The following HPSE2 variants were observed in gnomAD, a reference collection of about 807,000 sequenced individuals.
HPSE2 encodes inactive heparanase-2.
Under a neutral mutation model 60.5 loss-of-function variants are expected in HPSE2, and 38 were observed. The observed-to-expected ratio is 0.63, with a 90% confidence interval of 0.48 to 0.82. The LOEUF (loss-of-function observed/expected upper bound fraction) is 0.82. HPSE2 is among the 40% of genes least tolerant of loss of function. The probability of loss-of-function intolerance (pLI) is 0.00; values close to 1 mark genes in which losing one functional copy is unlikely to be tolerated. For synonymous variants in HPSE2, 295 were observed against 293.2 expected (o/e 1.01, Z -0.06); for missense variants, 713 against 740.4 (o/e 0.96, Z 0.43).
At chr10:99,051,650 T>C (rs1957993672) in intron 3 of HPSE2, among the ~76,000 whole-genome samples, 1 of 152,280 alleles carries the variant, frequency 6.6e-6, no homozygotes, top group Middle Eastern at 3.4e-3. Flanking sequence ...AAAAGTCTGG[T>C]AAAGCAACAG....
At chr10:98,937,444 T>A (rs1954837353) in intron 3 of HPSE2, among the ~76,000 whole-genome samples, 1 of 144,538 alleles carries the variant, frequency 6.9e-6, no homozygotes, top group Non-Finnish European at 1.5e-5. Flanking sequence ...ATCCCGCACA[T>A]GGCTTGGAGG....
intron 11 of HPSE2, among the ~76,000 whole-genome samples, chr10:98,478,990 C>T (rs935428446): frequency 1.3e-5 from 2 of 152,186 alleles, no homozygotes; most frequent in African/African-American, 4.8e-5. Context: ...GTTGCCTAGA[C>T]CATACATAAA....
At chr10:98,481,356 A>G (rs1941227630) in intron 11 of HPSE2, among the ~76,000 whole-genome samples, 1 of 152,198 alleles carries the variant, frequency 6.6e-6, no homozygotes. Context: ...TTAGGATAAA[A>G]TAATTTTCCC....
the HPSE2 span, among the ~76,000 whole-genome samples, chr10:99,269,097 T>G: frequency 6.6e-6 from 1 of 151,802 alleles, no homozygotes; most frequent in Non-Finnish European, 1.5e-5. Context: ...AGGCAGAGGT[T>G]GCAGTGAGCC....
intron 3 of HPSE2, among the ~76,000 whole-genome samples, chr10:98,832,209 T>C (rs1402061400): frequency 1.3e-5 from 2 of 152,186 alleles, no homozygotes; most frequent in East Asian, 3.8e-4. Flanking sequence ...ATGAGCAGCA[T>C]GGGTTAAATC....
rs539810803 is a variant in HPSE2, at chr10:99,070,884, A to G, written c.610+73354T>C. ...TAATATTTCGTTGTACATGTTTACT[A>G]CATATTCTTTGTCCATTCATCTACC... On this transcript the variant is annotated intron_variant, in intron 3 of 11. Transcript: ENST00000370552. Among the ~76,000 whole-genome samples, 4 of 152,186 alleles carry G rather than the reference A, an allele frequency of 2.6e-5. No homozygotes were observed. In the East Asian group the frequency reaches 7.7e-4, roughly 29 times the overall value.
intron 5 of HPSE2, among the ~76,000 whole-genome samples, chr10:98,697,731 G>A (rs1047118573): frequency 7.9e-5 from 12 of 152,060 alleles, no homozygotes; most frequent in African/African-American, 2.9e-4. Flanking sequence ...TCAAAATGAA[G>A]GAAAAAATGT....
intron 11 of HPSE2, among the ~76,000 whole-genome samples, chr10:98,463,063 G>A (rs990100627): frequency 2.0e-5 from 3 of 152,108 alleles, no homozygotes; most frequent in African/African-American, 2.4e-5. Flanking sequence ...CCCTTGTGTA[G>A]GGTAGCCAAG....
intron 6 of HPSE2, among the ~76,000 whole-genome samples, chr10:98,670,865 G>A (rs1212710285): frequency 6.6e-6 from 1 of 152,176 alleles, no homozygotes; most frequent in Non-Finnish European, 1.5e-5. Context: ...GCCCTTAAAA[G>A]GGACAGAAAT....
chr10:98,520,938 G>T lies in HPSE2; in HGVS notation c.1321-30742C>A, dbSNP rs552808775. ...GTGTGGGGAAAACTGGCTAGCCATA[G>T]GTAGAAAGCTGAAACTGAATCCCTT... On this transcript the variant is annotated intron_variant, in intron 9 of 11. Transcript: ENST00000370552. Among the ~76,000 whole-genome samples, 5 of 152,236 alleles carry T rather than the reference G, an allele frequency of 3.3e-5. No homozygotes were observed. The South Asian group carries it at 8.3e-4, about 25-fold the overall frequency.
intron 9 of HPSE2, among the ~76,000 whole-genome samples, chr10:98,584,201 G>A (rs1375693580): frequency 7.9e-5 from 12 of 152,148 alleles, no homozygotes. Flanking sequence ...TGTGAAGGGA[G>A]TAAACATGCA....
intron 4 of HPSE2, 86 bp downstream of exon 4, chr10:98,743,797 A>G: frequency 3.3e-6 from 4 of 1,225,518 alleles, no homozygotes; most frequent in Non-Finnish European, 4.8e-6. Flanking sequence ...AGGGTACTAG[A>G]GATGGTCTGA....
At chr10:98,708,435 G>T (rs1037452519) in intron 5 of HPSE2, among the ~76,000 whole-genome samples, 23 of 145,602 alleles carry the variant, frequency 1.6e-4, no homozygotes, top group African/African-American at 5.9e-4. Context: ...CAGCCTGGGC[G>T]ACAGAGTGAG....
chr10:98,508,103 A>G (rs1232798311), intron 9 of HPSE2, among the ~76,000 whole-genome samples: 1 of 152,226 alleles, frequency 6.6e-6, no homozygotes, highest in Non-Finnish European at 1.5e-5. Context: ...GGCATGCATT[A>G]CAATTTACAA....
intron 3 of HPSE2, among the ~76,000 whole-genome samples, chr10:99,125,529 T>C (rs374139429): frequency 1.6e-4 from 24 of 152,176 alleles, no homozygotes; most frequent in East Asian, 5.8e-4. Flanking sequence ...CTGTGAACTT[T>C]TGCTCCAAGA....
At chr10:98,466,851 T>C (rs1420045348) in intron 11 of HPSE2, among the ~76,000 whole-genome samples, 2 of 152,286 alleles carry the variant, frequency 1.3e-5, no homozygotes, top group East Asian at 3.9e-4. Context: ...GACCATGATA[T>C]TGACCTGTCT....
At chr10:99,141,068 C>A (rs532019556) in intron 3 of HPSE2, among the ~76,000 whole-genome samples, 1 of 152,162 alleles carries the variant, frequency 6.6e-6, no homozygotes, top group Non-Finnish European at 1.5e-5. Flanking sequence ...TGAATTCATT[C>A]TTTATGTACA....
intron 9 of HPSE2, among the ~76,000 whole-genome samples, chr10:98,539,289 AG>A (rs1339071747): frequency 6.6e-6 from 1 of 152,218 alleles, no homozygotes; most frequent in Non-Finnish European, 1.5e-5. Context: ...TGGGAGGCTG[AG>A]GCGGGTGGAT....
the HPSE2 span, among the ~76,000 whole-genome samples, chr10:99,304,159 C>T: frequency 6.6e-6 from 1 of 152,126 alleles, no homozygotes; most frequent in African/African-American, 2.4e-5. Flanking sequence ...AGACATCAGG[C>T]CAGATTGAGG....
Sources: gnomAD v4.1 joint callset for allele counts (sites outside exome capture counted in the v4.1 genomes callset) on GRCh38, gnomAD v4.1.1 for gene constraint, MANE v1.5 for transcripts, NCBI Gene and HGNC (gene_info 2026-07-23, HGNC 2026-07-21) for gene names.